The following PPARG variants were observed in gnomAD, a reference collection of about 807,000 sequenced individuals.
PPARG encodes the protein peroxisome proliferator-activated receptor gamma.
Under a neutral mutation model 39.2 loss-of-function variants are expected in PPARG, and 17 were observed. The ratio of observed to expected loss-of-function variants is 0.43; its 90% CI spans 0.30 to 0.65. The LOEUF is 0.65. Ranked by LOEUF, PPARG falls within the 30% of genes least tolerant of loss-of-function variation. PPARG has a pLI of 0.13. For synonymous variants in PPARG, 223 were observed against 215.7 expected (o/e 1.03, Z -0.30); for missense variants, 406 against 585.9 (o/e 0.69, Z 3.17).
Position 12,351,797 on chromosome 3 carries a change from AT to A in PPARG, c.-8-27903del, listed in dbSNP as rs1172594354. ...AATACTATCATGTGTACACTCCAGT[AT>A]TTTAATGCTTAGCTCGTTGCTATCG... is the stretch of plus-strand genomic sequence containing the variant. On this transcript the variant is annotated intron_variant, in intron 2 of 7. Transcript: ENST00000651735. 5.9e-5 allele frequency: 46 copies of A among 773,290 alleles called. No homozygotes were observed. In the East Asian group the frequency reaches 1.0e-3, roughly 17 times the overall value. 47.9% of individuals were successfully genotyped at this position (773,290 alleles called of 1,614,324 possible).
intron 4 of PPARG, among the ~76,000 whole-genome samples, chr3:12,390,675 C>CT (rs1480226246): frequency 8.5e-6 from 1 of 117,546 alleles, no homozygotes; most frequent in African/African-American, 3.3e-5. Flanking sequence ...ATGTCTCACT[C>CT]TGTCACCCAG....
At position 12,434,210 on chromosome 3, in the gene PPARG, T is replaced by A; in HGVS notation, c.*65T>A. ...AGTTGCACTATTCTGAGGGAAAATC[T>A]GACACCTAAGAAATTTACTGTGAAA... On this transcript the variant is annotated 3_prime_UTR_variant, in exon 8 of 8. Coordinates refer to ENST00000651735, the MANE Select transcript of PPARG (RefSeq NM_138711.6). The surrounding 1 kb of genome is among the most constrained non-coding windows in gnomAD (Gnocchi z 4.2). 2 of 1,603,608 alleles carry A rather than the reference T, an allele frequency of 1.2e-6. No individual in the cohort carries two copies. Among genetic ancestry groups the A allele is most frequent in the Non-Finnish European group, 1.7e-6 (2 of 1,172,190 alleles).
chr3:12,317,835 G>A (rs1181625282), intron 2 of PPARG, among the ~76,000 whole-genome samples: 1 of 152,092 alleles, frequency 6.6e-6, no homozygotes, highest in Non-Finnish European at 1.5e-5. Context: ...ATATATTTTG[G>A]AAATACATTT....
At chr3:12,369,803 A>G (rs958758757) in intron 2 of PPARG, among the ~76,000 whole-genome samples, 1 of 152,062 alleles carries the variant, frequency 6.6e-6, no homozygotes, top group Non-Finnish European at 1.5e-5. Flanking sequence ...TCACTTAGTC[A>G]TTGCTCATTT....
At chr3:12,405,297 G>A (rs541030776) in intron 5 of PPARG, among the ~76,000 whole-genome samples, 4 of 152,162 alleles carry the variant, frequency 2.6e-5, no homozygotes, top group South Asian at 4.2e-4. Flanking sequence ...CTGGAGAGTC[G>A]GGAGATAACT....
chr3:12,329,270 A>C (rs531842382), intron 2 of PPARG, among the ~76,000 whole-genome samples: 2 of 152,118 alleles, frequency 1.3e-5, no homozygotes, highest in Non-Finnish European at 2.9e-5. Context: ...AGAGGGGGAT[A>C]AAAAGGATAA....
chr3:12,400,492 G>A (rs2050432850), intron 5 of PPARG, among the ~76,000 whole-genome samples: 1 of 152,202 alleles, frequency 6.6e-6, no homozygotes, highest in Non-Finnish European at 1.5e-5. Context: ...TGCTTTCCCA[G>A]AAGTTAATGA....
intron 2 of PPARG, among the ~76,000 whole-genome samples, chr3:12,377,565 A>G (rs2049463235): frequency 6.6e-6 from 1 of 152,142 alleles, no homozygotes; most frequent in South Asian, 2.1e-4. Context: ...TTATTTTAGG[A>G]TGCAATTAAA....
intron 2 of PPARG, among the ~76,000 whole-genome samples, chr3:12,333,558 G>A (rs770091631): frequency 2.0e-5 from 3 of 152,070 alleles, no homozygotes; most frequent in Non-Finnish European, 4.4e-5. Flanking sequence ...TCAACCTACC[G>A]GGCTCGAGTG....
rs994619717 is a variant in PPARG, at chr3:12,329,565, T to G, written c.-9+17112T>G. Among the ~76,000 whole-genome samples, 15 of 152,356 alleles carry G rather than the reference T, an allele frequency of 9.8e-5. No homozygotes were observed. In the South Asian group the frequency reaches 3.1e-3, roughly 32 times the overall value. ...ATATCTCTATTAGTTCGTTAAAAGT[T>G]TAGCAGTTTTAGATGTCGAACCAGT... On this transcript the variant is annotated intron_variant, in intron 2 of 7. Transcript: ENST00000651735.
intron 2 of PPARG, among the ~76,000 whole-genome samples, chr3:12,345,141 A>C (rs1466603695): frequency 1.3e-5 from 2 of 152,138 alleles, no homozygotes; most frequent in African/African-American, 4.8e-5. Context: ...TAATGTTATC[A>C]TTTTCTTAAG....
chr3:12,306,201 G>C (rs543743536), intron 1 of PPARG, among the ~76,000 whole-genome samples: 2 of 152,296 alleles, frequency 1.3e-5, no homozygotes, highest in Non-Finnish European at 2.9e-5. Flanking sequence ...CTCATAAGAA[G>C]CATGCAACAT....
chr3:12,417,902 C>CTTTTTTTTTTT (rs869086237), intron 7 of PPARG, among the ~76,000 whole-genome samples: 302 of 65,724 alleles, frequency 4.6e-3, no homozygotes, highest in Middle Eastern at 0.033. Context: ...TTTTTTTTTC[C>CTTTTTTTTTTT]TTTTTTTTTT....
chr3:12,425,207 G>A lies in PPARG; in HGVS notation c.1180+8053G>A, dbSNP rs540916696. 5.3e-5 allele frequency among the ~76,000 whole-genome samples: 8 copies of A among 152,326 alleles called. No individual in the cohort carries two copies. The East Asian group carries it at 5.8e-4, about 11-fold the overall frequency. The stretch of plus-strand genomic sequence containing the variant: ...AGGATTCGGACGTCCTGTGGCCCCC[G>A]AAGGAGACGGGGAATGGCAGGTCTG... On this transcript the variant is annotated intron_variant, in intron 7 of 7. Transcript: ENST00000651735.
chr3:12,356,217 ACCAGAT>A (rs1651660226), intron 2 of PPARG, among the ~76,000 whole-genome samples: 1 of 152,078 alleles, frequency 6.6e-6, no homozygotes, highest in African/African-American at 2.4e-5. Context: ...GTAAAGTTTT[ACCAGAT>A]TGTCTTTTTT....
intron 2 of PPARG, among the ~76,000 whole-genome samples, chr3:12,360,129 TA>T (rs1575054328): frequency 6.6e-6 from 1 of 152,204 alleles, no homozygotes; most frequent in African/African-American, 2.4e-5. Flanking sequence ...TGTTGGTTTT[TA>T]AAAAAGAATA....
At position 12,386,792 on chromosome 3, in the gene PPARG, C is replaced by T. The variant is rs115317176; in HGVS notation, c.390+5301C>T. On this transcript the variant is annotated intron_variant, in intron 4 of 7. Coordinates refer to ENST00000651735, the MANE Select transcript of PPARG (RefSeq NM_138711.6). ...CGTGCAGGTTTGTTACATAGTTACA[C>T]ATGTGTCATGTTGATTTGCTGAACC... Among the ~76,000 whole-genome samples the T allele has an allele frequency of 1.8e-3, 268 of 152,256 alleles. 1 individual carries two copies. Among genetic ancestry groups the T allele is most frequent in the African/African-American group, 6.1e-3 (253 of 41,550 alleles).
chr3:12,376,434 G>A (rs555619397), intron 2 of PPARG, among the ~76,000 whole-genome samples: 147 of 152,208 alleles, frequency 9.7e-4, no homozygotes, highest in South Asian at 2.7e-3. Flanking sequence ...AAAGAAAAAG[G>A]AAAAGCAAGA....
chr3:12,343,245 G>A (rs1009118368), intron 2 of PPARG, among the ~76,000 whole-genome samples: 1 of 152,084 alleles, frequency 6.6e-6, no homozygotes, highest in African/African-American at 2.4e-5. Flanking sequence ...CTTCTCTCTT[G>A]GTTGAGTCTT....
Sources: allele counts gnomAD v4.1 joint callset (sites outside exome capture counted in the v4.1 genomes callset), GRCh38; gene constraint gnomAD v4.1.1; non-coding constraint Gnocchi (gnomAD v3.1); transcripts MANE v1.5; gene names NCBI Gene and HGNC (gene_info 2026-07-23, HGNC 2026-07-21).